KCNIP1: variants seen among roughly 807,000 people sequenced by gnomAD.
The protein encoded by KCNIP1 is potassium voltage-gated channel interacting protein 1.
A neutral mutation model predicts 33.0 loss-of-function variants in KCNIP1; 18 were observed. The ratio of observed to expected loss-of-function variants is 0.55; its 90% confidence interval spans 0.38 to 0.81. The LOEUF (loss-of-function observed/expected upper bound fraction) is 0.81. Ranked by LOEUF, KCNIP1 falls within the 30% of genes least tolerant of loss-of-function variation. The pLI is 0.00. For synonymous variants in KCNIP1, 93 were observed against 98.3 expected (o/e 0.95, Z 0.32); for missense variants, 238 against 271.6 (o/e 0.88, Z 0.87).
chr5:170,534,287 T>C lies in KCNIP1; in HGVS notation c.61+29654T>C, dbSNP rs1417621687. 5.9e-5 allele frequency among the ~76,000 whole-genome samples: 9 copies of C among 152,286 alleles called. No individual in the cohort carries two copies. In the East Asian group the frequency reaches 1.7e-3, roughly 29 times the overall value. On this transcript the variant is annotated intron_variant, in intron 1 of 7. Transcript: ENST00000328939. ...TTCTAGTTTCAACTTACTGTTTACATTGGTCTGTGGTTTGTCCCCATAGGA... is the reference window on the plus strand; with the variant it reads ...TTCTAGTTTCAACTTACTGTTTACACTGGTCTGTGGTTTGTCCCCATAGGA...
At chr5:170,702,600 T>C (rs967584503) in intron 1 of KCNIP1, among the ~76,000 whole-genome samples, 1 of 152,150 alleles carries the variant, frequency 6.6e-6, no homozygotes, top group African/African-American at 2.4e-5. Context: ...TGAAGGAGAC[T>C]TGTATTAGTG....
intron 1 of KCNIP1, among the ~76,000 whole-genome samples, chr5:170,518,039 A>G (rs1755213239): frequency 6.6e-6 from 1 of 151,476 alleles, no homozygotes; most frequent in Non-Finnish European, 1.5e-5. Context: ...TGATGATAAT[A>G]GTAATGATGG....
chr5:170,512,058 A>G (rs1355198892), intron 1 of KCNIP1, among the ~76,000 whole-genome samples: 1 of 152,186 alleles, frequency 6.6e-6, no homozygotes, highest in Non-Finnish European at 1.5e-5. Context: ...TTCATCTGAC[A>G]CTGTGGAAGC....
intron 1 of KCNIP1, among the ~76,000 whole-genome samples, chr5:170,641,223 G>T (rs1156478478): frequency 6.6e-6 from 1 of 152,184 alleles, no homozygotes; most frequent in African/African-American, 2.4e-5. Context: ...CTTGGGAAGA[G>T]CCTCTTTCCC....
upstream of KCNIP1, among the ~76,000 whole-genome samples, chr5:170,503,621 A>G (rs1757465148): frequency 1.3e-5 from 2 of 151,774 alleles, no homozygotes; most frequent in African/African-American, 4.8e-5. Flanking sequence ...CCCCCTCCCC[A>G]TGAGTTCAGG....
intron 1 of KCNIP1, among the ~76,000 whole-genome samples, chr5:170,462,938 G>T (rs530708315): frequency 5.9e-5 from 9 of 152,262 alleles, no homozygotes; most frequent in African/African-American, 1.9e-4. Flanking sequence ...AAAGGCATAA[G>T]AGTGACACAG....
chr5:170,478,318 C>T (rs1744940181), intron 1 of KCNIP1, among the ~76,000 whole-genome samples: 1 of 152,200 alleles, frequency 6.6e-6, no homozygotes, highest in South Asian at 2.1e-4. Context: ...AAAGATATCA[C>T]AGACTTAGGA....
At chr5:170,620,303 C>T (rs1759552755) in intron 1 of KCNIP1, among the ~76,000 whole-genome samples, 5 of 152,156 alleles carry the variant, frequency 3.3e-5, no homozygotes, top group Admixed American at 3.3e-4. Flanking sequence ...TGGGCTTGAA[C>T]CCAGCAGCTT....
chr5:170,567,402 A>G (rs1757241397), intron 1 of KCNIP1, among the ~76,000 whole-genome samples: 1 of 152,168 alleles, frequency 6.6e-6, no homozygotes, highest in Non-Finnish European at 1.5e-5. Flanking sequence ...CAAACATCAG[A>G]TGGGAAGCTA....
intron 1 of KCNIP1, among the ~76,000 whole-genome samples, chr5:170,431,024 C>T (rs963801984): frequency 1.3e-5 from 2 of 152,240 alleles, no homozygotes; most frequent in African/African-American, 4.8e-5. Context: ...CCCTCCCCTC[C>T]TGCAGGACAG....
At chr5:170,578,850 G>A (rs746034797) in intron 1 of KCNIP1, among the ~76,000 whole-genome samples, 4 of 152,136 alleles carry the variant, frequency 2.6e-5, no homozygotes, top group Non-Finnish European at 4.4e-5. Flanking sequence ...ATGAATATTG[G>A]GAAAGAGACA....
At chr5:170,685,060 G>A (rs770915032) in intron 1 of KCNIP1, among the ~76,000 whole-genome samples, 2 of 151,974 alleles carry the variant, frequency 1.3e-5, no homozygotes, top group Non-Finnish European at 2.9e-5. Context: ...CCTCCTTCAA[G>A]GTAAATGGGA....
intron 1 of KCNIP1, among the ~76,000 whole-genome samples, chr5:170,705,273 G>C (rs1456765740): frequency 6.6e-6 from 1 of 152,234 alleles, no homozygotes; most frequent in African/African-American, 2.4e-5. Context: ...CTTCAGAGCT[G>C]AATCCTGGAG....
rs116297558 is a variant in KCNIP1 at position 170,434,167 on chromosome 5, T to C, written c.88+80203T>C. On this transcript the variant is annotated intron_variant, in intron 1 of 7. Coordinates refer to the KCNIP1 transcript ENST00000377360. ...AACTTCTTTGAGCCTCAATTTTTTG[T>C]TTTCTATAACATGGGAATAATATCA... Among the ~76,000 whole-genome samples, 1,139 of 152,302 alleles carry C rather than the reference T, an allele frequency of 7.5e-3. 15 individuals carry two copies. Among genetic ancestry groups the C allele is most frequent in the African/African-American group, 0.026 (1,095 of 41,548 alleles).
intron 1 of KCNIP1, among the ~76,000 whole-genome samples, chr5:170,371,321 C>T (rs556137459): frequency 1.3e-5 from 2 of 152,148 alleles, no homozygotes; most frequent in Non-Finnish European, 2.9e-5. Flanking sequence ...GGCCATCACC[C>T]CCACATCTAT....
chr5:170,725,431 ACATCC>A (rs1763976089), intron 5 of KCNIP1, among the ~76,000 whole-genome samples: 1 of 152,190 alleles, frequency 6.6e-6, no homozygotes, highest in Non-Finnish European at 1.5e-5. Context: ...AGAAAGACAA[ACATCC>A]CATGTTCTCT....
At chr5:170,474,855 GA>G (rs1554095025) in intron 1 of KCNIP1, among the ~76,000 whole-genome samples, 1 of 152,220 alleles carries the variant, frequency 6.6e-6, no homozygotes, top group Non-Finnish European at 1.5e-5. Context: ...GCAGCAGCAA[GA>G]TTTTTTGTGA....
intron 1 of KCNIP1, among the ~76,000 whole-genome samples, chr5:170,612,527 C>T (rs949553343): frequency 1.3e-5 from 2 of 152,214 alleles, no homozygotes; most frequent in Non-Finnish European, 2.9e-5. Flanking sequence ...AGCCAGTCTT[C>T]TGCCCGCAGG....
intron 1 of KCNIP1, among the ~76,000 whole-genome samples, chr5:170,412,839 C>T (rs1044461971): frequency 1.3e-5 from 2 of 152,122 alleles, no homozygotes; most frequent in Non-Finnish European, 2.9e-5. Context: ...CTCAGCAAGA[C>T]CTTCCCTGAT....
Sources: allele counts gnomAD v4.1 joint callset (sites outside exome capture counted in the v4.1 genomes callset), GRCh38; gene constraint gnomAD v4.1.1; transcripts MANE v1.5; gene names NCBI Gene and HGNC (gene_info 2026-07-23, HGNC 2026-07-21).